The following SPATA3 variants were observed in gnomAD, a reference collection of about 807,000 sequenced individuals.
The protein encoded by SPATA3 is spermatogenesis-associated protein 3.
SPATA3 carries 6 observed loss-of-function variants against 5.7 expected under a neutral mutation model. The observed-to-expected ratio is 1.06, with a 90% confidence interval of 0.58 to 2.09. The LOEUF is 2.09. SPATA3 is among the 30% of genes most tolerant of loss of function. The pLI, the probability that SPATA3 is intolerant of heterozygous loss-of-function variation, is 0.00. For missense variants in SPATA3, 155 were observed against 130.4 expected (o/e 1.19, Z -0.92); for synonymous variants, 44 against 48.4 (o/e 0.91, Z 0.37).
intron 6 of SPATA3, among the ~76,000 whole-genome samples, chr2:231,015,705 G>A (rs1220662915): frequency 1.3e-5 from 2 of 152,212 alleles, no homozygotes; most frequent in African/African-American, 4.8e-5. Context: ...CTGCAGCTGT[G>A]GGGGCAATGG....
At chr2:230,996,740 C>T (rs1018362674) in intron 1 of SPATA3, among the ~76,000 whole-genome samples, 9 of 152,208 alleles carry the variant, frequency 5.9e-5, no homozygotes, top group African/African-American at 1.9e-4. Context: ...CTGAGTCTCA[C>T]TGAAGACAGC....
downstream of SPATA3, among the ~76,000 whole-genome samples, chr2:231,006,261 G>T (rs1234577984): frequency 6.7e-6 from 1 of 148,922 alleles, no homozygotes; most frequent in Non-Finnish European, 1.5e-5. Flanking sequence ...CAGCAGTTTG[G>T]AAGGCCGAGG....
At chr2:231,008,158 CAT>C (rs1692690260), downstream of SPATA3, among the ~76,000 whole-genome samples, 1 of 152,234 alleles carries the variant, frequency 6.6e-6, no homozygotes, top group Non-Finnish European at 1.5e-5. Flanking sequence ...CACCACACAG[CAT>C]AGTCATCCCA....
chr2:231,019,472 T>C (rs531947537), intron 6 of SPATA3, among the ~76,000 whole-genome samples: 8,517 of 146,958 alleles, frequency 0.058, 727 homozygotes, highest in African/African-American at 0.15. Context: ...TACAGGCACC[T>C]GCCACCACGC....
downstream of SPATA3, among the ~76,000 whole-genome samples, chr2:231,003,095 G>T (rs956170794): frequency 6.6e-6 from 1 of 152,142 alleles, no homozygotes; most frequent in Non-Finnish European, 1.5e-5. Context: ...TGGGGGCAAA[G>T]GTTTCTACCC....
intron 2 of SPATA3, among the ~76,000 whole-genome samples, chr2:231,001,332 G>A (rs1189863085): frequency 6.6e-6 from 1 of 152,212 alleles, no homozygotes; most frequent in South Asian, 2.1e-4. Context: ...GGGCCTCACA[G>A]ATCTCAATGG....
At chr2:231,001,848 G>A (rs1428773819) in intron 2 of SPATA3, among the ~76,000 whole-genome samples, 1 of 152,210 alleles carries the variant, frequency 6.6e-6, no homozygotes, top group Non-Finnish European at 1.5e-5. Context: ...TCCTCTAGGA[G>A]AGGCTCCAAC....
intron 1 of SPATA3, chr2:230,996,264 G>T (rs911490411): frequency 1.3e-6 from 2 of 1,524,908 alleles, no homozygotes; most frequent in Non-Finnish European, 1.8e-6. Flanking sequence ...AAGGTCAGAG[G>T]CCAGACGCCA....
chr2:231,011,967 A>G (rs1253962105), downstream of SPATA3, among the ~76,000 whole-genome samples: 1 of 152,208 alleles, frequency 6.6e-6, no homozygotes, highest in Non-Finnish European at 1.5e-5. Flanking sequence ...CGAAGCAGAG[A>G]TTTGAACTGG....
At chr2:231,015,739 C>T (rs2125125457) in intron 6 of SPATA3, among the ~76,000 whole-genome samples, 1 of 152,354 alleles carries the variant, frequency 6.6e-6, no homozygotes, top group East Asian at 1.9e-4. Flanking sequence ...TCTCTTCTTC[C>T]CCTTGCATTA....
At position 231,019,710 on chromosome 2, in the gene SPATA3, TG is replaced by T. The variant is rs2125129527; in HGVS notation, c.*566-9del. ...ATTCCTTCTCAGTGCCACTCTCCTC[TG>T]ATTTCCAGACCCCCTCAATATCCTC... On this transcript the variant is annotated splice_polypyrimidine_tract_variant and intron_variant, in intron 6 of 8. Transcript: ENST00000452881. The T allele has an allele frequency of 1.3e-5, 2 of 151,346 alleles. 1 individual carries two copies. Among genetic ancestry groups the T allele is most frequent in the South Asian group, 4.2e-4 (2 of 4,784 alleles). The allele number at this position is 151,346 out of a possible 1,614,324, so 9.4% of individuals were successfully genotyped here.
chr2:231,012,270 T>C (rs571128813), downstream of SPATA3, among the ~76,000 whole-genome samples: 1 of 152,184 alleles, frequency 6.6e-6, no homozygotes, highest in Non-Finnish European at 1.5e-5. Context: ...GGGTGTCTGA[T>C]CTCATCTGAG....
At chr2:231,005,529 CCAT>C (rs1692583523), downstream of SPATA3, among the ~76,000 whole-genome samples, 1 of 19,026 alleles carries the variant, frequency 5.3e-5, no homozygotes, top group Non-Finnish European at 1.2e-4. Context: ...ACCACCACCA[CCAT>C]CATCACCACC....
downstream of SPATA3, among the ~76,000 whole-genome samples, chr2:231,005,832 T>C (rs1692603917): frequency 6.6e-6 from 1 of 152,132 alleles, no homozygotes; most frequent in Non-Finnish European, 1.5e-5. Flanking sequence ...TACTGACTTT[T>C]GATACCTGTA....
chr2:231,007,572 C>T (rs1692672129), downstream of SPATA3, among the ~76,000 whole-genome samples: 3 of 152,226 alleles, frequency 2.0e-5, no homozygotes, highest in African/African-American at 7.2e-5. Context: ...CCAGGGTAAT[C>T]CCAGTTACTG....
chr2:230,996,629 G>A, intron 1 of SPATA3, 95 bp downstream of exon 1: 1 of 1,413,004 alleles, frequency 7.1e-7, no homozygotes, highest in South Asian at 1.4e-5. Flanking sequence ...GTGATGCATG[G>A]TTAACGTGTA....
chr2:231,002,832 G>A, downstream of SPATA3: 1 of 1,291,532 alleles, frequency 7.7e-7, no homozygotes, highest in Non-Finnish European at 1.0e-6. Context: ...TGGCAGGTAT[G>A]TTGAGCGCTC....
chr2:231,010,053 A>C (rs953008197), downstream of SPATA3, among the ~76,000 whole-genome samples: 1 of 152,252 alleles, frequency 6.6e-6, no homozygotes, highest in African/African-American at 2.4e-5. Context: ...ATCACCATGC[A>C]ATAACTAAGA....
intron 6 of SPATA3, among the ~76,000 whole-genome samples, chr2:231,019,005 T>C (rs1356978954): frequency 1.0e-4 from 15 of 147,474 alleles, no homozygotes; most frequent in South Asian, 8.6e-4. Context: ...CTCACTCTGT[T>C]GCCCAGGCTG....
Sources: allele counts gnomAD v4.1 joint callset (sites outside exome capture counted in the v4.1 genomes callset), GRCh38; gene constraint gnomAD v4.1.1; transcripts MANE v1.5; gene names NCBI Gene and HGNC (gene_info 2026-07-23, HGNC 2026-07-21).